KIR2DL1: variants seen among roughly 807,000 people sequenced by gnomAD.
KIR2DL1 encodes killer cell immunoglobulin like receptor, two Ig domains and long cytoplasmic tail 1, also known as killer cell immunoglobulin-like receptor 2DL1.
KIR2DL1 carries 38 observed loss-of-function variants against 33.9 expected under a neutral mutation model. The observed-to-expected ratio is 1.12, with a 90% CI of 0.86 to 1.47. The LOEUF is 1.47. Ranked by LOEUF, KIR2DL1 falls within the 40% of genes most tolerant of loss-of-function variation. KIR2DL1 has a pLI of 0.00. For missense variants in KIR2DL1, 531 were observed against 433.9 expected, an observed-to-expected ratio of 1.22 and a Z score of -1.99; for synonymous variants, 179 against 165.9, an observed-to-expected ratio of 1.08 and a Z score of -0.61.
intron 2 of KIR2DL1, among the ~76,000 whole-genome samples, chr19:54,772,664 C>T (rs1045158187): frequency 2.1e-5 from 3 of 144,722 alleles, no homozygotes; most frequent in African/African-American, 7.6e-5. Flanking sequence ...CTAGACCACA[C>T]CACTTCACTC....
intron 5 of KIR2DL1, among the ~76,000 whole-genome samples, chr19:54,779,129 A>G (rs1162448705): frequency 1.3e-5 from 2 of 148,230 alleles, no homozygotes; most frequent in Non-Finnish European, 3.0e-5. Flanking sequence ...GAGCTCATGC[A>G]CGCACACTTC....
At chr19:54,773,211 T>A in intron 2 of KIR2DL1, 122 bp from the exon 3 acceptor site, 1 of 1,183,568 alleles carries the variant, frequency 8.4e-7, no homozygotes, top group Non-Finnish European at 1.2e-6. Flanking sequence ...GAAAAGAACA[T>A]GAAGACACAG....
intron 3 of KIR2DL1, among the ~76,000 whole-genome samples, 190 bp from the exon 4 acceptor site, chr19:54,774,975 T>C (rs373225337): frequency 1.8e-4 from 26 of 145,046 alleles, no homozygotes; most frequent in African/African-American, 3.0e-4. Context: ...GGTGGGGAAG[T>C]GAGGTCAGAG....
In KIR2DL1 at chr19:54,783,892, A is replaced by T. The variant is rs1414673101; in HGVS notation, c.*79A>T. 8.8e-6 allele frequency: 14 copies of T among 1,585,654 alleles called. No individual in the cohort carries two copies. The highest frequency in any genetic ancestry group is 2.2e-5 in the East Asian group (1 of 44,724). ...AAAACCGGGTTGCCAGCTCCCATGT[A>T]CCAGCAGCTGGAATCTGAAGGCGTG... On this transcript the variant is annotated 3_prime_UTR_variant, in exon 8 of 8. Coordinates refer to ENST00000336077, the MANE Select transcript of KIR2DL1 (RefSeq NM_014218.3).
chr19:54,772,960 G>T (rs1396200332), intron 2 of KIR2DL1, among the ~76,000 whole-genome samples: 3 of 147,948 alleles, frequency 2.0e-5, no homozygotes, highest in African/African-American at 7.4e-5. Flanking sequence ...TCCTGCCAAG[G>T]ATTCCAATTC....
chr19:54,774,064 G>C lies in KIR2DL1; in HGVS notation c.370+432G>C, dbSNP rs1449555374. On this transcript the variant is annotated intron_variant, in intron 3 of 7. Transcript: ENST00000336077. ...GGCCTCAGGCCTTGTGGCACCTACAGATGCCATGTTTATTCTGACACCTCT... is the reference window on the plus strand; with the variant it reads ...GGCCTCAGGCCTTGTGGCACCTACACATGCCATGTTTATTCTGACACCTCT... 7.6e-4 allele frequency among the ~76,000 whole-genome samples: 113 copies of C among 147,866 alleles called. 6 individuals are homozygous for C. Among genetic ancestry groups the C allele is most frequent in the African/African-American group, 2.8e-3 (112 of 40,628 alleles).
intron 6 of KIR2DL1, among the ~76,000 whole-genome samples, 166 bp downstream of exon 6, chr19:54,783,189 C>A (rs540835959): frequency 2.6e-5 from 4 of 151,806 alleles, no homozygotes; most frequent in African/African-American, 9.7e-5. Context: ...TCCCTGCCTT[C>A]AACTCACAGA....
In KIR2DL1 at chr19:54,773,562, C is replaced by A; in HGVS notation, c.300C>A (p.Cys100Ter). 6.3e-7 allele frequency: 1 copy of A among 1,582,210 alleles called. No homozygotes were observed. Among genetic ancestry groups the A allele is most frequent in the South Asian group, 1.1e-5 (1 of 90,194 alleles). Residue 100 changes from cysteine (C) to a stop codon, truncating the protein, a stop_gained, in exon 3 of 8, where the codon TGC (cysteine) becomes TGA (stop). Transcript: ENST00000336077. LOFTEE classifies it high-confidence loss of function. Reference protein sequence around the residue: ...MTQDLAGTYRCYGSVTHSPYQ... With the variant: ...MTQDLAGTYR ...AAGACCTGGCAGGGACCTACAGATG[C>A]TACGGTTCTGTTACTCACTCCCCCT...
At chr19:54,776,048 C>A (rs200705266) in intron 4 of KIR2DL1, among the ~76,000 whole-genome samples, 3 of 144,718 alleles carry the variant, frequency 2.1e-5, no homozygotes, top group African/African-American at 7.6e-5. Context: ...CGCACCACCA[C>A]GCCAGGCTAC....
In KIR2DL1 at chr19:54,775,363, C is replaced by T. The variant is rs1480035986; in HGVS notation, c.569C>T (p.Ala190Val). 7 of 1,582,796 alleles carry T rather than the reference C, an allele frequency of 4.4e-6. No homozygotes were observed. Among genetic ancestry groups the T allele is most frequent in the African/African-American group, 1.4e-5 (1 of 73,930 alleles). The change falls in exon 4 of 8, where the codon GCC becomes GTC. Residue 190 changes from alanine (A) to valine (V), a missense_variant. Transcript: ENST00000336077. ...CAGGCTGACTTTCCTCTGGGCCCTGCCACCCACGGAGGGACCTACAGATGC... is the reference window on the plus strand; with the variant it reads ...CAGGCTGACTTTCCTCTGGGCCCTGTCACCCACGGAGGGACCTACAGATGC... ...TFQADFPLGP[A>V]THGGTYRCFG...
rs1428873047 is a variant in KIR2DL1 at position 54,784,012 on chromosome 19, G to A, written c.*199G>A. 20 of 869,338 alleles carry A rather than the reference G, an allele frequency of 2.3e-5. No individual in the cohort carries two copies. Among genetic ancestry groups the A allele is most frequent in the African/African-American group, 3.3e-5 (2 of 60,086 alleles). 53.9% of individuals were successfully genotyped at this position (869,338 alleles called of 1,614,324 possible). A position where few individuals can be genotyped will look rare whatever the true frequency, so the allele number is the denominator to read the frequency against. ...TGTCTAAGGTCCCCACTGCCTGCTG[G>A]AGAAAAAACACACTCCTTTGCTTAA... is the stretch of plus-strand genomic sequence containing the variant. On this transcript the variant is annotated 3_prime_UTR_variant, in exon 8 of 8. Coordinates refer to ENST00000336077, the MANE Select transcript of KIR2DL1 (RefSeq NM_014218.3).
chr19:54,773,732 T>A, intron 3 of KIR2DL1, 100 bp downstream of exon 3: 1 of 1,281,566 alleles, frequency 7.8e-7, no homozygotes, highest in Non-Finnish European at 1.1e-6. Flanking sequence ...GAGCTTGGTA[T>A]TCTTATGGAG....
rs1432947511 is a variant in KIR2DL1 at position 54,774,070 on chromosome 19, A to G, written c.370+438A>G. On this transcript the variant is annotated intron_variant, in intron 3 of 7. Transcript: ENST00000336077. ...AGGCCTTGTGGCACCTACAGATGCC[A>G]TGTTTATTCTGACACCTCTGCCTTC... Among the ~76,000 whole-genome samples, 469 of 147,274 alleles carry G rather than the reference A, an allele frequency of 3.2e-3. 24 individuals carry two copies. Among genetic ancestry groups the G allele is most frequent in the African/African-American group, 0.011 (429 of 40,382 alleles).
chr19:54,774,219 G>A (rs1444429911), intron 3 of KIR2DL1, among the ~76,000 whole-genome samples: 1 of 148,600 alleles, frequency 6.7e-6, no homozygotes, highest in African/African-American at 2.5e-5. Flanking sequence ...GCCCACTTAT[G>A]AGAGGATCAG....
intron 1 of KIR2DL1, among the ~76,000 whole-genome samples, chr19:54,770,514 G>A (rs2075566000): frequency 6.8e-6 from 1 of 146,626 alleles, no homozygotes. Flanking sequence ...GTGGAGATAA[G>A]GGCCTGGATT....
chr19:54,782,776 G>C, intron 5 of KIR2DL1, 146 bp from the exon 6 acceptor site: 1 of 805,724 alleles, frequency 1.2e-6, no homozygotes, highest in Non-Finnish European at 2.1e-6. Context: ...AACAGAAAAA[G>C]CAGGAGAAAG....
At position 54,771,319 on chromosome 19, in the gene KIR2DL1, C is replaced by T. The variant is rs902280778; in HGVS notation, c.70+435C>T. On this transcript the variant is annotated intron_variant, in intron 2 of 7. Transcript: ENST00000336077. ...CAGGCATCGGCTGATATTCCATTCT[C>T]AAAGGACATGCCCTCCACCCCATGT... Among the ~76,000 whole-genome samples the T allele has an allele frequency of 2.2e-4, 33 of 148,636 alleles. 3 individuals carry two copies. Among genetic ancestry groups the T allele is most frequent in the African/African-American group, 8.1e-4 (33 of 40,830 alleles).
chr19:54,774,557 T>A (rs1380707918), intron 3 of KIR2DL1, among the ~76,000 whole-genome samples: 1 of 147,984 alleles, frequency 6.8e-6, no homozygotes, highest in Non-Finnish European at 1.5e-5. Flanking sequence ...AGATAATAGG[T>A]TATAGATACA....
chr19:54,776,562 C>T (rs182187590), intron 4 of KIR2DL1, among the ~76,000 whole-genome samples: 3 of 146,212 alleles, frequency 2.1e-5, no homozygotes, highest in African/African-American at 7.5e-5. Context: ...GCAGATATCA[C>T]TTCGATATGT....
Sources: allele counts gnomAD v4.1 joint callset (sites outside exome capture counted in the v4.1 genomes callset), GRCh38; gene constraint gnomAD v4.1.1; transcripts MANE v1.5; gene names NCBI Gene and HGNC (gene_info 2026-07-23, HGNC 2026-07-21).